Variants in TTC34 observed in about 807,000 individuals in gnomAD.
TTC34 encodes tetratricopeptide repeat protein 34.
TTC34 carries 44 observed loss-of-function variants against 40.7 expected under a neutral mutation model. That is an observed-to-expected ratio of 1.08 (90% confidence interval 0.85 to 1.39). The LOEUF (loss-of-function observed/expected upper bound fraction) is 1.39. Ranked by LOEUF, TTC34 falls within the 40% of genes most tolerant of loss-of-function variation. The probability of loss-of-function intolerance (pLI) is 0.00; values close to 1 mark genes in which losing one functional copy is unlikely to be tolerated. For synonymous variants in TTC34, 422 were observed against 398.6 expected, an observed-to-expected ratio of 1.06 and a Z score of -0.70; for missense variants, 884 against 838.0, an observed-to-expected ratio of 1.05 and a Z score of -0.68.
At chr1:2,773,097 C>A (rs796892436) in intron 6 of TTC34, among the ~76,000 whole-genome samples, 59 of 134,772 alleles carry the variant, frequency 4.4e-4, no homozygotes, top group African/African-American at 1.3e-3. Flanking sequence ...AGCACCCACA[C>A]CCCCAGGCGA....
At chr1:2,771,489 G>T (rs1450477295) in intron 6 of TTC34, among the ~76,000 whole-genome samples, 1 of 81,902 alleles carries the variant, frequency 1.2e-5, no homozygotes, top group Non-Finnish European at 2.2e-5. Context: ...CACACCCCCA[G>T]GCGAGCATCT....
At chr1:2,749,972 TGAGCATTGGACACC>T (rs1569687796) in intron 6 of TTC34, among the ~76,000 whole-genome samples, 2 of 53,514 alleles carry the variant, frequency 3.7e-5, no homozygotes, top group African/African-American at 1.1e-4. Flanking sequence ...CACCGCCAGG[TGAGCATTGGACACC>T]CTGGAGCAGC....
intron 8 of TTC34, among the ~76,000 whole-genome samples, chr1:2,643,287 T>A (rs1211265054): frequency 2.0e-5 from 3 of 152,136 alleles, no homozygotes; most frequent in Non-Finnish European, 4.4e-5. Context: ...TCCGGGTGGG[T>A]CCCCGTCTCC....
At chr1:2,683,155 A>C (rs1165658101) in intron 6 of TTC34, among the ~76,000 whole-genome samples, 1 of 130,732 alleles carries the variant, frequency 7.6e-6, no homozygotes, top group East Asian at 2.3e-4. Flanking sequence ...GCACAGCCCC[A>C]GGAGAGCATC....
intron 6 of TTC34, among the ~76,000 whole-genome samples, chr1:2,691,857 C>T (rs529849429): frequency 3.0e-5 from 2 of 66,056 alleles, no homozygotes; most frequent in Non-Finnish European, 7.0e-5. Context: ...TGGAGCAGCC[C>T]CCACACCCAG....
intron 3 of TTC34, 145 bp from the exon 4 acceptor site, chr1:2,787,851 A>T: frequency 1.6e-6 from 1 of 635,450 alleles, no homozygotes; most frequent in Non-Finnish European, 2.6e-6. Flanking sequence ...CACCATCCCC[A>T]GAAGCCAAAG....
At chr1:2,675,195 C>G (rs1477824971) in intron 6 of TTC34, among the ~76,000 whole-genome samples, 16 of 144,280 alleles carry the variant, frequency 1.1e-4, no homozygotes, top group South Asian at 4.4e-4. Flanking sequence ...GGAGCAGCAC[C>G]GACAACCCCA....
chr1:2,645,315 C>A lies in TTC34; in HGVS notation c.2475G>T (p.Leu825=). The A allele has an allele frequency of 6.7e-7, 1 of 1,503,324 alleles. No individual in the cohort carries two copies. The allele number at this position is 1,503,324 out of a possible 1,614,324, so 93.1% of individuals were successfully genotyped here. ...TACCCTGTGCCATGAGAATGTCTGCCAGGAGGAGGTGCCAGTGCGGTTGCC... is the reference window on the plus strand; with the variant it reads ...TACCCTGTGCCATGAGAATGTCTGCAAGGAGGAGGTGCCAGTGCGGTTGCC... The change falls in exon 7 of 9, where the codon CTG becomes CTT. Residue 825 remains leucine (L), a synonymous_variant. Transcript: ENST00000401095. The surrounding 1 kb of genome is among the most constrained non-coding windows in gnomAD (Gnocchi z 4.7).
intron 6 of TTC34, among the ~76,000 whole-genome samples, chr1:2,690,430 G>C (rs1227832921): frequency 6.7e-6 from 1 of 148,616 alleles, no homozygotes; most frequent in African/African-American, 2.4e-5. Context: ...CCCCAGGCGA[G>C]CATCTGACAG....
At chr1:2,656,052 C>T (rs1409048136) in intron 6 of TTC34, among the ~76,000 whole-genome samples, 85 of 149,726 alleles carry the variant, frequency 5.7e-4, no homozygotes, top group African/African-American at 2.1e-3. Context: ...GCAGCACCCA[C>T]ACCCCCAGGT....
intron 5 of TTC34, 31 bp from the exon 6 acceptor site, chr1:2,783,806 G>A (rs1643529149): frequency 2.1e-6 from 3 of 1,433,910 alleles, no homozygotes; most frequent in East Asian, 2.6e-5. Flanking sequence ...GTCAGGATGA[G>A]CCTATGCTGG....
intron 6 of TTC34, among the ~76,000 whole-genome samples, chr1:2,652,701 T>A (rs878929791): frequency 2.8e-4 from 38 of 135,896 alleles, no homozygotes; most frequent in Non-Finnish European, 2.9e-4. Flanking sequence ...GGTGAGCATC[T>A]GACAGCCTGG....
intron 6 of TTC34, among the ~76,000 whole-genome samples, chr1:2,754,614 C>T (rs1641442571): frequency 1.1e-5 from 1 of 91,572 alleles, no homozygotes; most frequent in South Asian, 4.6e-4. Context: ...GAGCAGTGCC[C>T]ACACCCCCAG....
chr1:2,673,346 G>T (rs1262179292), intron 6 of TTC34, among the ~76,000 whole-genome samples: 2 of 70,868 alleles, frequency 2.8e-5, no homozygotes, highest in African/African-American at 4.8e-5. Flanking sequence ...GCCTGGAGCG[G>T]AACCCACGGC....
intron 6 of TTC34, among the ~76,000 whole-genome samples, chr1:2,779,267 A>T (rs926972007): frequency 6.6e-6 from 1 of 152,140 alleles, no homozygotes; most frequent in Non-Finnish European, 1.5e-5. Context: ...CCCTACTTCC[A>T]TTTATTTTGG....
chr1:2,749,727 C>T (rs1190529536), intron 6 of TTC34, among the ~76,000 whole-genome samples: 1 of 79,774 alleles, frequency 1.3e-5, no homozygotes, highest in Admixed American at 1.2e-4. Flanking sequence ...ACGCACAACC[C>T]CAGGTGAGCA....
chr1:2,764,162 C>T (rs1362439602), intron 6 of TTC34, among the ~76,000 whole-genome samples: 2 of 148,896 alleles, frequency 1.3e-5, no homozygotes, highest in African/African-American at 5.0e-5. Flanking sequence ...GAATCTGACG[C>T]ATAAAACAGC....
At chr1:2,685,165 G>T (rs1172937856) in intron 6 of TTC34, among the ~76,000 whole-genome samples, 1 of 142,852 alleles carries the variant, frequency 7.0e-6, no homozygotes, top group Non-Finnish European at 1.5e-5. Flanking sequence ...ACAACCCCAC[G>T]TGAGCATCTG....
At position 2,747,819 on chromosome 1, in the gene TTC34, GC is replaced by G. The variant is rs1290638548; in HGVS notation, c.2226+35789del. Among the ~76,000 whole-genome samples the G allele has an allele frequency of 1.7e-4, 16 of 92,018 alleles. 1 individual carries two copies. Among genetic ancestry groups the G allele is most frequent in the African/African-American group, 1.1e-3 (15 of 14,216 alleles). 60.4% of individuals were successfully genotyped at this position (92,018 alleles called of 152,430 possible). The stretch of plus-strand genomic sequence containing the variant: ...TGCACCCCCAGGTGCGCATGTGATA[GC>G]CTGGAACAGCACCCACACCGCCAGG... On this transcript the variant is annotated intron_variant, in intron 6 of 8. Coordinates refer to ENST00000401095, the Ensembl canonical transcript of TTC34.
Sources: gnomAD v4.1 joint callset for allele counts (sites outside exome capture counted in the v4.1 genomes callset) on GRCh38, gnomAD v4.1.1 for gene constraint, Gnocchi (gnomAD v3.1) non-coding constraint, MANE v1.5 for transcripts, NCBI Gene and HGNC (gene_info 2026-07-23, HGNC 2026-07-21) for gene names.